The following TMTC1 variants were observed in gnomAD, a reference collection of about 807,000 sequenced individuals.
TMTC1 encodes the protein protein O-mannosyl-transferase TMTC1.
TMTC1 carries 73 observed loss-of-function variants against 104.8 expected under a neutral mutation model. That is an observed-to-expected ratio of 0.70 (90% CI 0.58 to 0.85). TMTC1 has a LOEUF of 0.85. Ranked by LOEUF, TMTC1 falls within the 40% of genes least tolerant of loss-of-function variation. The probability of loss-of-function intolerance (pLI) is 0.00; values close to 1 mark genes in which losing one functional copy is unlikely to be tolerated. For synonymous variants in TMTC1, 434 were observed against 428.7 expected (o/e 1.01, Z -0.15); for missense variants, 1,035 against 1,096.1 (o/e 0.94, Z 0.79).
intron 1 of TMTC1, among the ~76,000 whole-genome samples, chr12:29,776,184 AC>A (rs1227738911): frequency 6.6e-6 from 1 of 152,172 alleles, no homozygotes. Context: ...GCTGTTTCTC[AC>A]CTTGAACTTT....
intron 1 of TMTC1, among the ~76,000 whole-genome samples, chr12:29,771,038 GAAT>G (rs1943584219): frequency 6.6e-6 from 1 of 152,120 alleles, no homozygotes; most frequent in Non-Finnish European, 1.5e-5. Flanking sequence ...CAAGAGTAGT[GAAT>G]AATAAATCAA....
intron 7 of TMTC1, among the ~76,000 whole-genome samples, chr12:29,602,794 C>T (rs1321746820): frequency 6.6e-6 from 1 of 152,092 alleles, no homozygotes; most frequent in Non-Finnish European, 1.5e-5. Flanking sequence ...GCAGTTAACT[C>T]TTTGAGGGCA....
chr12:29,584,356 T>C (rs890176587), intron 7 of TMTC1, among the ~76,000 whole-genome samples: 2 of 152,236 alleles, frequency 1.3e-5, no homozygotes, highest in Non-Finnish European at 2.9e-5. Context: ...TTGTAGTTTG[T>C]ACCCATTAAT....
intron 7 of TMTC1, among the ~76,000 whole-genome samples, chr12:29,593,341 G>A (rs766057505): frequency 1.7e-4 from 26 of 152,196 alleles, no homozygotes; most frequent in Non-Finnish European, 2.9e-5. Flanking sequence ...TTGTGTTTAT[G>A]TGTGCTTTCA....
intron 5 of TMTC1, among the ~76,000 whole-genome samples, chr12:29,727,531 C>A (rs1327180691): frequency 6.6e-6 from 1 of 151,960 alleles, no homozygotes; most frequent in South Asian, 2.1e-4. Flanking sequence ...CACCCACCAC[C>A]ACGCCTGGCT....
At chr12:29,530,212 A>C (rs1027047983) in intron 11 of TMTC1, among the ~76,000 whole-genome samples, 1 of 151,964 alleles carries the variant, frequency 6.6e-6, no homozygotes, top group Non-Finnish European at 1.5e-5. Flanking sequence ...AACCTTAAAA[A>C]CTCAATTCCC....
At chr12:29,777,646 C>G (rs1943742823) in intron 1 of TMTC1, among the ~76,000 whole-genome samples, 1 of 152,124 alleles carries the variant, frequency 6.6e-6, no homozygotes, top group South Asian at 2.1e-4. Flanking sequence ...ATTATAATCA[C>G]AACCTCCACC....
chr12:29,684,018 T>C (rs1941011035), intron 5 of TMTC1, among the ~76,000 whole-genome samples: 1 of 152,142 alleles, frequency 6.6e-6, no homozygotes, highest in South Asian at 2.1e-4. Context: ...TAATGTTTTA[T>C]ATTTTCATAG....
chr12:29,553,704 C>A (rs1945165519), intron 10 of TMTC1, among the ~76,000 whole-genome samples: 1 of 152,028 alleles, frequency 6.6e-6, no homozygotes, highest in Non-Finnish European at 1.5e-5. Flanking sequence ...TGTTGGTTAC[C>A]CAATAACTCC....
chr12:29,514,612 G>A lies in TMTC1; in HGVS notation c.2308-8C>T, dbSNP rs755844879. 8 of 1,602,954 alleles carry A rather than the reference G, an allele frequency of 5.0e-6. No homozygotes were observed. In the East Asian group the frequency reaches 1.8e-4, roughly 36 times the overall value. On this transcript the variant is annotated splice_polypyrimidine_tract_variant and splice_region_variant and intron_variant, in intron 15 of 17. Coordinates refer to ENST00000539277, the MANE Select transcript of TMTC1 (RefSeq NM_001193451.2). ...GTCTATAGCATCAAGTGCCTGCAGA[G>A]GTTGGAAATTAAGACAGAATAAATG...
chr12:29,651,040 G>C (rs73073469), intron 5 of TMTC1, among the ~76,000 whole-genome samples: 2 of 152,172 alleles, frequency 1.3e-5, no homozygotes, highest in Non-Finnish European at 2.9e-5. Flanking sequence ...AGGCACACGG[G>C]GGGCTACGCT....
intron 5 of TMTC1, among the ~76,000 whole-genome samples, chr12:29,676,861 T>G (rs2033041): frequency 6.6e-6 from 1 of 151,924 alleles, no homozygotes; most frequent in Non-Finnish European, 1.5e-5. Context: ...GTGTGGGCAG[T>G]TGGGGAGTCA....
At chr12:29,531,098 T>C (rs1944490752) in intron 11 of TMTC1, among the ~76,000 whole-genome samples, 1 of 152,128 alleles carries the variant, frequency 6.6e-6, no homozygotes, top group Admixed American at 6.6e-5. Context: ...GGGGTAGCCT[T>C]CCCTTCTATA....
chr12:29,676,223 A>AT (rs1940720402), intron 5 of TMTC1, among the ~76,000 whole-genome samples: 1 of 152,200 alleles, frequency 6.6e-6, no homozygotes, highest in African/African-American at 2.4e-5. Context: ...ATCCATTTTA[A>AT]TTTTTAAATA....
intron 5 of TMTC1, among the ~76,000 whole-genome samples, chr12:29,644,125 G>GTC (rs1939149296): frequency 1.0e-5 from 1 of 95,910 alleles, no homozygotes; most frequent in Non-Finnish European, 2.1e-5. Flanking sequence ...GTGTGTGTGT[G>GTC]TGTGTGTGTG....
intron 7 of TMTC1, among the ~76,000 whole-genome samples, chr12:29,596,933 C>T (rs944374803): frequency 5.3e-5 from 8 of 152,234 alleles, no homozygotes; most frequent in Admixed American, 4.6e-4. Flanking sequence ...CTCAGCACCA[C>T]TCACCCTCTG....
chr12:29,754,736 C>T (rs991185742), intron 4 of TMTC1, among the ~76,000 whole-genome samples: 4 of 151,982 alleles, frequency 2.6e-5, no homozygotes, highest in South Asian at 2.1e-4. Flanking sequence ...TGAGATTTAC[C>T]GAGAGCCAAC....
chr12:29,759,238 G>A (rs1450841119), intron 2 of TMTC1, among the ~76,000 whole-genome samples: 1 of 152,230 alleles, frequency 6.6e-6, no homozygotes, highest in Non-Finnish European at 1.5e-5. Context: ...GCTCACATCT[G>A]TAATCTCAGC....
chr12:29,633,770 A>T (rs1230088247), intron 5 of TMTC1, among the ~76,000 whole-genome samples: 1 of 152,132 alleles, frequency 6.6e-6, no homozygotes, highest in African/African-American at 2.4e-5. Context: ...AAAAAATCAA[A>T]ATATTTGTGG....
Sources: allele counts gnomAD v4.1 joint callset (sites outside exome capture counted in the v4.1 genomes callset), GRCh38; gene constraint gnomAD v4.1.1; transcripts MANE v1.5; gene names NCBI Gene and HGNC (gene_info 2026-07-23, HGNC 2026-07-21).